The following RGS10 variants were observed in gnomAD, a reference collection of about 807,000 sequenced individuals.
The protein encoded by RGS10 is regulator of G protein signaling 10.
A neutral mutation model predicts 23.5 loss-of-function variants in RGS10; 11 were observed. That is an observed-to-expected ratio of 0.47 (90% confidence interval 0.29 to 0.77). The LOEUF (loss-of-function observed/expected upper bound fraction) is 0.77, where lower values mean the gene tolerates loss of function less well. Ranked by LOEUF, RGS10 falls within the 30% of genes least tolerant of loss-of-function variation. RGS10 has a pLI of 0.08. For synonymous variants in RGS10, 77 were observed against 83.2 expected (o/e 0.92, Z 0.41); for missense variants, 180 against 226.3 (o/e 0.80, Z 1.31).
intron 2 of RGS10, among the ~76,000 whole-genome samples, chr10:119,526,898 C>T (rs923938112): frequency 2.0e-5 from 3 of 152,074 alleles, no homozygotes; most frequent in African/African-American, 7.2e-5. Context: ...GAGGTCCCTT[C>T]GCCAAGTTCT....
At chr10:119,534,897 AAAAAG>A (rs1390298704) in intron 1 of RGS10, among the ~76,000 whole-genome samples, 1 of 152,152 alleles carries the variant, frequency 6.6e-6, no homozygotes, top group African/African-American at 2.4e-5. Flanking sequence ...TCAAAAAAAT[AAAAAG>A]AAAAAAGAAA....
In RGS10 at chr10:119,515,371, C is replaced by T. The variant is rs1844129474; in HGVS notation, c.399+138G>A. 3.1e-6 allele frequency: 3 copies of T among 981,558 alleles called. No homozygotes were observed. The South Asian group carries it at 4.9e-5, about 16-fold the overall frequency. 60.8% of individuals were successfully genotyped at this position (981,558 alleles called of 1,614,324 possible). Reference sequence around the variant, plus strand: ...GGTCCCCACTCTCCCCAACCATGGCCCCTCAGTGTACCTCGGTCTGCCCGG... The same window carrying T: ...GGTCCCCACTCTCCCCAACCATGGCTCCTCAGTGTACCTCGGTCTGCCCGG... On this transcript the variant is annotated intron_variant, in intron 4 of 4. Coordinates refer to ENST00000369103, the MANE Select transcript of RGS10 (RefSeq NM_001005339.2).
chr10:119,528,862 A>G (rs1343859528), intron 1 of RGS10, among the ~76,000 whole-genome samples: 1 of 151,784 alleles, frequency 6.6e-6, no homozygotes, highest in Non-Finnish European at 1.5e-5. Flanking sequence ...AAATAAATAA[A>G]TAAATAAATA....
chr10:119,531,979 T>A (rs1844333165), intron 1 of RGS10, among the ~76,000 whole-genome samples: 1 of 152,032 alleles, frequency 6.6e-6, no homozygotes, highest in Non-Finnish European at 1.5e-5. Context: ...TAGCCATGGG[T>A]ATTGGTTTTC....
intron 1 of RGS10, among the ~76,000 whole-genome samples, chr10:119,536,807 C>T (rs528985453): frequency 6.6e-6 from 1 of 152,232 alleles, no homozygotes; most frequent in South Asian, 2.1e-4. Context: ...TTCCAGAAGC[C>T]CCTGTGTGTC....
At chr10:119,532,898 G>C (rs1844345675) in intron 1 of RGS10, among the ~76,000 whole-genome samples, 1 of 151,804 alleles carries the variant, frequency 6.6e-6, no homozygotes, top group Non-Finnish European at 1.5e-5. Context: ...AAATTAGCTG[G>C]TCATGGTGGT....
intron 1 of RGS10, among the ~76,000 whole-genome samples, chr10:119,539,652 C>A (rs998629707): frequency 5.9e-5 from 9 of 152,146 alleles, no homozygotes; most frequent in African/African-American, 9.7e-5. Flanking sequence ...AGAAGCTGCA[C>A]TTTATCAAAG....
chr10:119,511,712 G>C (rs1844077942), intron 4 of RGS10, among the ~76,000 whole-genome samples: 1 of 152,052 alleles, frequency 6.6e-6, no homozygotes, highest in Admixed American at 6.6e-5. Context: ...TGATGGTTTG[G>C]GGTCACCAGG....
At chr10:119,526,804 C>T (rs1358996809) in intron 2 of RGS10, among the ~76,000 whole-genome samples, 12 of 152,048 alleles carry the variant, frequency 7.9e-5, no homozygotes. Context: ...TATGGTCCTC[C>T]ATCTGGCACC....
At chr10:119,536,347 A>T in intron 1 of RGS10, 1 of 883,694 alleles carries the variant, frequency 1.1e-6, no homozygotes, top group Non-Finnish European at 1.8e-6. Flanking sequence ...TGGCCCTTCC[A>T]CAGTCACCTG....
Position 119,536,471 on chromosome 10 carries a change from G to T in RGS10, c.49+6119C>A, listed in dbSNP as rs780894692. 58 of 1,612,840 alleles carry T rather than the reference G, an allele frequency of 3.6e-5. 1 individual carries two copies. In the South Asian group the frequency reaches 4.2e-4, roughly 12 times the overall value. On this transcript the variant is annotated intron_variant, in intron 1 of 4. Coordinates refer to ENST00000369103, the MANE Select transcript of RGS10 (RefSeq NM_001005339.2). Reference sequence around the variant, plus strand: ...GTGGGGGCGATTCCTTACGTTCCATGCTCTGGTGTCCACCTGAGAAGTTCC... The same window carrying T: ...GTGGGGGCGATTCCTTACGTTCCATTCTCTGGTGTCCACCTGAGAAGTTCC...
At chr10:119,536,676 A>C in intron 1 of RGS10, 1 of 579,906 alleles carries the variant, frequency 1.7e-6, no homozygotes, top group East Asian at 3.0e-5. Context: ...GGAAATAAGA[A>C]CGCCAAACTG....
chr10:119,537,174 C>T (rs558513029), intron 1 of RGS10, among the ~76,000 whole-genome samples: 5 of 152,204 alleles, frequency 3.3e-5, no homozygotes, highest in Non-Finnish European at 5.9e-5. Flanking sequence ...GGGCAGATCA[C>T]CTGAGGTCGG....
chr10:119,541,339 A>G (rs2050802535), intron 1 of RGS10, among the ~76,000 whole-genome samples: 1 of 152,240 alleles, frequency 6.6e-6, no homozygotes, highest in Non-Finnish European at 1.5e-5. Flanking sequence ...AGCACTTAGT[A>G]CTTGCCGGGC....
chr10:119,522,058 AG>A (rs1261943090), intron 3 of RGS10, among the ~76,000 whole-genome samples: 1 of 152,212 alleles, frequency 6.6e-6, no homozygotes, highest in African/African-American at 2.4e-5. Flanking sequence ...ACTTGGATCC[AG>A]GAAATGGAAT....
At chr10:119,501,896 A>G (rs1024909293) in intron 4 of RGS10, among the ~76,000 whole-genome samples, 3 of 152,264 alleles carry the variant, frequency 2.0e-5, no homozygotes, top group African/African-American at 7.2e-5. Context: ...TGCCTGAGTC[A>G]CTGTGCTATA....
At chr10:119,535,265 C>T (rs1233567727) in intron 1 of RGS10, among the ~76,000 whole-genome samples, 2 of 125,772 alleles carry the variant, frequency 1.6e-5, no homozygotes, top group Admixed American at 1.7e-4. Context: ...GAGTCCAATC[C>T]ATGCAGAAAA....
chr10:119,515,419 A>T, intron 4 of RGS10, 90 bp downstream of exon 4: 1 of 1,484,372 alleles, frequency 6.7e-7, no homozygotes. Flanking sequence ...GTTTCCAGGG[A>T]GTCTAACATC....
chr10:119,504,837 C>A (rs1026846310), intron 4 of RGS10, among the ~76,000 whole-genome samples: 1 of 152,156 alleles, frequency 6.6e-6, no homozygotes, highest in East Asian at 1.9e-4. Context: ...ACCCCCCACA[C>A]CCTCTCGCCA....
Sources: allele counts gnomAD v4.1 joint callset (sites outside exome capture counted in the v4.1 genomes callset), GRCh38; gene constraint gnomAD v4.1.1; transcripts MANE v1.5; gene names NCBI Gene and HGNC (gene_info 2026-07-23, HGNC 2026-07-21).